Variants in RPL28 observed in about 807,000 individuals in gnomAD.
RPL28 encodes ribosomal protein L28, also known as large ribosomal subunit protein eL28.
A neutral mutation model predicts 12.5 loss-of-function variants in RPL28; 4 were observed. That is an observed-to-expected ratio of 0.32 (90% CI 0.16 to 0.73). RPL28 has a LOEUF of 0.73. RPL28 is among the 30% of genes least tolerant of loss of function. The pLI is 0.66. For missense variants in RPL28, 214 were observed against 197.7 expected (o/e 1.08, Z -0.49); for synonymous variants, 91 against 72.5 (o/e 1.26, Z -1.30).
chr19:55,392,025 G>C lies in RPL28; in HGVS notation c.*3693G>C. 1 of 1,078,092 alleles carries C rather than the reference G, an allele frequency of 9.3e-7. No homozygotes were observed. The highest frequency in any genetic ancestry group is 1.1e-6 in the Non-Finnish European group (1 of 889,608). 66.8% of individuals were successfully genotyped at this position (1,078,092 alleles called of 1,614,324 possible). A position where few individuals can be genotyped will look rare whatever the true frequency, so the allele number is the denominator to read the frequency against. On this transcript the variant is annotated 3_prime_UTR_variant, in exon 5 of 5. Transcript: ENST00000344063. ...AGGCTGTTTGGCGCTGCCCAGGAAT[G>C]GTATCAATTCCCCTGTTTCTCTTGT...
chr19:55,399,305 TAC>T (rs2090041217), intron 4 of RPL28, among the ~76,000 whole-genome samples: 1 of 152,154 alleles, frequency 6.6e-6, no homozygotes, highest in South Asian at 2.1e-4. Context: ...TAGCTGGGAT[TAC>T]AGACATGCAC....
At position 55,401,932 on chromosome 19, in the gene RPL28, G is replaced by A. The variant is rs116494091; in HGVS notation, c.325-1011G>A. Among the ~76,000 whole-genome samples, 570 of 152,232 alleles carry A rather than the reference G, an allele frequency of 3.7e-3. 5 individuals are homozygous for A. Among genetic ancestry groups the A allele is most frequent in the African/African-American group, 0.013 (533 of 41,538 alleles). ...CTCATCTTTGCTCCTGTCTCCCTCA[G>A]AGGCCACCTTCATGTGACCTGCCTC... On this transcript the variant is annotated intron_variant, in intron 4 of 4. Coordinates refer to the RPL28 transcript ENST00000560055.
downstream of RPL28, among the ~76,000 whole-genome samples, chr19:55,392,820 C>T (rs550581406): frequency 1.5e-4 from 23 of 152,248 alleles, no homozygotes; most frequent in East Asian, 3.5e-3. Flanking sequence ...TGAGCCACCG[C>T]GTCCGGCCCC....
In RPL28 at chr19:55,388,234, C is replaced by G. The variant is rs56312243; in HGVS notation, c.325-9C>G. The G allele has an allele frequency of 1.3e-6, 2 of 1,526,336 alleles. No individual in the cohort carries two copies. Among genetic ancestry groups the G allele is most frequent in the East Asian group, 2.4e-5 (1 of 40,826 alleles). 94.5% of individuals were successfully genotyped at this position (1,526,336 alleles called of 1,614,324 possible). ...TGGGCTGAGCCTTGCTCTGCTCCCC[C>G]GCCCCCAGGCAGCCATCCGCAGGGC... On this transcript the variant is annotated splice_polypyrimidine_tract_variant and intron_variant, in intron 4 of 4. Coordinates refer to ENST00000344063, the MANE Select transcript of RPL28 (RefSeq NM_000991.5).
chr19:55,402,199 G>T (rs1482711736), intron 4 of RPL28, among the ~76,000 whole-genome samples: 1 of 152,222 alleles, frequency 6.6e-6, no homozygotes, highest in Non-Finnish European at 1.5e-5. Flanking sequence ...ACAGAGAGAA[G>T]AGACTTCCCC....
downstream of RPL28, among the ~76,000 whole-genome samples, chr19:55,393,992 G>A (rs112232074): frequency 0.083 from 12,555 of 151,524 alleles, 695 homozygotes; most frequent in Non-Finnish European, 0.12. Flanking sequence ...GCTGGGTACG[G>A]TGGCTCACTC....
At chr19:55,399,160 TC>T (rs1028672858) in intron 4 of RPL28, among the ~76,000 whole-genome samples, 25 of 122,684 alleles carry the variant, frequency 2.0e-4, no homozygotes, top group African/African-American at 9.6e-4. Context: ...CTAATTTTTT[TC>T]TTTTCTTTTC....
At chr19:55,401,973 A>C (rs779154680) in intron 4 of RPL28, among the ~76,000 whole-genome samples, 5 of 152,232 alleles carry the variant, frequency 3.3e-5, no homozygotes, top group Non-Finnish European at 7.3e-5. Context: ...AGATGTTCCC[A>C]AAAGGACACG....
In RPL28 at chr19:55,387,264, A is replaced by G. The variant is rs763965336; in HGVS notation, c.205+571A>G. The G allele has an allele frequency of 1.9e-5, 29 of 1,549,526 alleles. No homozygotes were observed. The African/African-American group carries it at 2.2e-4, about 12-fold the overall frequency. ...GTCCAGCTTCACATGTGTTCTTGACAGGGCTGTATTTTCTTTTTAGAGTGA... is the reference window on the plus strand; with the variant it reads ...GTCCAGCTTCACATGTGTTCTTGACGGGGCTGTATTTTCTTTTTAGAGTGA... On this transcript the variant is annotated intron_variant, in intron 3 of 4. Transcript: ENST00000344063.
chr19:55,386,153 G>C, intron 1 of RPL28, 188 bp downstream of exon 1: 2 of 585,362 alleles, frequency 3.4e-6, no homozygotes, highest in Non-Finnish European at 6.1e-6. Flanking sequence ...AGTCTCGGCT[G>C]CCTGAATTCG....
chr19:55,402,116 T>C (rs943064616), intron 4 of RPL28, among the ~76,000 whole-genome samples: 3 of 152,204 alleles, frequency 2.0e-5, no homozygotes, highest in Non-Finnish European at 2.9e-5. Flanking sequence ...TATTATGGTT[T>C]TGAATTTGCC....
At chr19:55,399,022 C>T (rs2090039566) in intron 4 of RPL28, among the ~76,000 whole-genome samples, 1 of 151,986 alleles carries the variant, frequency 6.6e-6, no homozygotes, top group Non-Finnish European at 1.5e-5. Context: ...GGGTCTCCCT[C>T]TCTCACCCAG....
At position 55,389,388 on chromosome 19, in the gene RPL28, T is replaced by C. The variant is rs1417168350; in HGVS notation, c.*1056T>C. ...CTGGATGGGGAAAGAGTCCTGCTGT[T>C]GATCCTCACATGTTTCCTGGGCACC... On this transcript the variant is annotated 3_prime_UTR_variant, in exon 5 of 5. Transcript: ENST00000344063. 6 of 985,246 alleles carry C rather than the reference T, an allele frequency of 6.1e-6. 1 individual carries two copies. Among genetic ancestry groups the C allele is most frequent in the Non-Finnish European group, 7.2e-6 (6 of 829,952 alleles). The allele number at this position is 985,246 out of a possible 1,614,324, so 61.0% of individuals were successfully genotyped here.
downstream of RPL28, among the ~76,000 whole-genome samples, chr19:55,392,788 C>T (rs1244637935): frequency 6.6e-6 from 1 of 152,166 alleles, no homozygotes; most frequent in Non-Finnish European, 1.5e-5. Context: ...CTCGGTCCCC[C>T]AAAGTGCTGG....
chr19:55,386,777 C>A, intron 3 of RPL28, 84 bp downstream of exon 3: 1 of 1,611,662 alleles, frequency 6.2e-7, no homozygotes, highest in Non-Finnish European at 8.5e-7. Flanking sequence ...GCAGGAAGAG[C>A]GGTAACTGCC....
chr19:55,388,125 A>C, intron 4 of RPL28, 77 bp downstream of exon 4: 1 of 1,597,442 alleles, frequency 6.3e-7, no homozygotes, highest in East Asian at 2.2e-5. Context: ...ACTGGTTGCA[A>C]TATGGGCTGG....
At chr19:55,401,559 A>T (rs908676405) in intron 4 of RPL28, 31 of 1,609,790 alleles carry the variant, frequency 1.9e-5, no homozygotes, top group Non-Finnish European at 2.5e-5. Flanking sequence ...CTGGGGCCCC[A>T]GGGTCGGTGG....
chr19:55,391,528 G>GGGACTGAGGC lies in RPL28; in HGVS notation c.*3197_*3206dup, dbSNP rs1390879463. The GGGACTGAGGC allele has an allele frequency of 3.2e-5, 48 of 1,488,100 alleles. No individual in the cohort carries two copies. The highest frequency in any genetic ancestry group is 4.2e-5 in the Non-Finnish European group (46 of 1,105,224). 92.2% of individuals were successfully genotyped at this position (1,488,100 alleles called of 1,614,324 possible). On this transcript the variant is annotated 3_prime_UTR_variant, in exon 5 of 5. Transcript: ENST00000344063. The stretch of plus-strand genomic sequence containing the variant: ...AGACTCCCCACAGCAGCAGAGACTC[G>GGGACTGAGGC]GGACTGAGGCATCCTCTGTTCACAG...
At chr19:55,403,044 T>C in exon 5 of RPL28, 1 of 1,452,406 alleles carries the variant, frequency 6.9e-7, no homozygotes, top group Non-Finnish European at 9.3e-7. Context: ...GGTCATTCTG[T>C]GTCATGGAGC....
Sources: gnomAD v4.1 joint callset for allele counts (sites outside exome capture counted in the v4.1 genomes callset) on GRCh38, gnomAD v4.1.1 for gene constraint, MANE v1.5 for transcripts, NCBI Gene and HGNC (gene_info 2026-07-23, HGNC 2026-07-21) for gene names.